SH3RF3: variants seen among roughly 807,000 people sequenced by gnomAD.
The protein encoded by SH3RF3 is E3 ubiquitin-protein ligase SH3RF3.
Under a neutral mutation model 66.3 loss-of-function variants are expected in SH3RF3, and 29 were observed. The observed-to-expected ratio is 0.44, with a 90% CI of 0.33 to 0.60. SH3RF3 has a LOEUF of 0.60. Among genes scored for constraint, SH3RF3 ranks in the 20% least tolerant of loss-of-function variants. The pLI, the probability that SH3RF3 is intolerant of heterozygous loss-of-function variation, is 0.04. For missense variants in SH3RF3, 1,194 were observed against 1,190.9 expected, an observed-to-expected ratio of 1.00 and a Z score of -0.04; for synonymous variants, 583 against 532.0, an observed-to-expected ratio of 1.10 and a Z score of -1.32.
intron 1 of SH3RF3, among the ~76,000 whole-genome samples, chr2:109,320,451 T>C (rs1043845031): frequency 1.3e-5 from 2 of 152,176 alleles, no homozygotes; most frequent in African/African-American, 4.8e-5. Context: ...TCCTCGGCAG[T>C]GAGCCACAAC....
intron 1 of SH3RF3, among the ~76,000 whole-genome samples, chr2:109,230,160 G>T (rs760444158): frequency 6.6e-6 from 1 of 151,826 alleles, no homozygotes; most frequent in African/African-American, 2.4e-5. Context: ...CTAATATTCC[G>T]TCGTATGGAT....
chr2:109,264,797 C>A (rs1680450234), intron 1 of SH3RF3, among the ~76,000 whole-genome samples: 1 of 152,232 alleles, frequency 6.6e-6, no homozygotes, highest in Admixed American at 6.5e-5. Flanking sequence ...CTGGCCATCA[C>A]CTACCGTGCA....
intron 8 of SH3RF3, among the ~76,000 whole-genome samples, chr2:109,463,503 C>G (rs1008868011): frequency 9.2e-5 from 14 of 152,242 alleles, no homozygotes; most frequent in African/African-American, 3.4e-4. Flanking sequence ...TCCCCTCACA[C>G]ATCTGTTTCT....
chr2:109,468,796 G>A (rs1002894031), intron 8 of SH3RF3, among the ~76,000 whole-genome samples: 8 of 148,344 alleles, frequency 5.4e-5, no homozygotes, highest in Admixed American at 3.4e-4. Context: ...GGAGTTTGCA[G>A]TGAGCCAAGA....
chr2:109,214,106 A>G (rs768219653), intron 1 of SH3RF3, among the ~76,000 whole-genome samples: 67 of 152,270 alleles, frequency 4.4e-4, no homozygotes, highest in East Asian at 3.9e-4. Context: ...GTTTCTGCCA[A>G]TTGTCTTGGG....
chr2:109,294,157 T>C (rs957034923), intron 1 of SH3RF3, among the ~76,000 whole-genome samples: 2 of 152,190 alleles, frequency 1.3e-5, no homozygotes, highest in Non-Finnish European at 2.9e-5. Context: ...TGCCCGAAAG[T>C]CTTTCTTCCA....
intron 8 of SH3RF3, among the ~76,000 whole-genome samples, chr2:109,475,569 C>T (rs886896993): frequency 6.6e-6 from 1 of 152,202 alleles, no homozygotes; most frequent in East Asian, 1.9e-4. Flanking sequence ...GAGGCTGACA[C>T]CTGCCCTGTA....
intron 2 of SH3RF3, among the ~76,000 whole-genome samples, chr2:109,351,221 C>T (rs1267713084): frequency 1.3e-5 from 2 of 152,226 alleles, no homozygotes; most frequent in Non-Finnish European, 2.9e-5. Context: ...GGAGCCTCCA[C>T]ACGTGCTGGG....
At chr2:109,156,646 A>G (rs369778270) in intron 1 of SH3RF3, among the ~76,000 whole-genome samples, 1 of 152,066 alleles carries the variant, frequency 6.6e-6, no homozygotes, top group African/African-American at 2.4e-5. Context: ...GGGTTTCACC[A>G]TGTTGGCCAG....
intron 1 of SH3RF3, among the ~76,000 whole-genome samples, chr2:109,330,297 G>A (rs895980784): frequency 6.6e-6 from 1 of 152,032 alleles, no homozygotes; most frequent in African/African-American, 2.4e-5. Flanking sequence ...ATGTTATTGC[G>A]AAACTAAAGA....
Position 109,165,098 on chromosome 2 carries a change from G to A in SH3RF3, c.573+34985G>A, listed in dbSNP as rs1470654061. ...AGAATTCTGTGTTCTTACTCCCAGG[G>A]CTAGTTGTTCCTGGCTTCCCCCCTC... On this transcript the variant is annotated intron_variant, in intron 1 of 9. Transcript: ENST00000309415. 2.6e-5 allele frequency among the ~76,000 whole-genome samples: 4 copies of A among 152,184 alleles called. No homozygotes were observed. In the East Asian group the frequency reaches 7.7e-4, roughly 29 times the overall value.
chr2:109,143,085 G>T (rs1676996913), intron 1 of SH3RF3, among the ~76,000 whole-genome samples: 1 of 152,126 alleles, frequency 6.6e-6, no homozygotes, highest in South Asian at 2.1e-4. Flanking sequence ...AACCCAGTGT[G>T]GGGGGCCTGC....
At chr2:109,164,698 T>C (rs1677574721) in intron 1 of SH3RF3, among the ~76,000 whole-genome samples, 1 of 152,156 alleles carries the variant, frequency 6.6e-6, no homozygotes, top group Admixed American at 6.5e-5. Context: ...GTGTAAATAC[T>C]CCCATCATGA....
At chr2:109,335,741 A>G (rs1211968707) in intron 1 of SH3RF3, among the ~76,000 whole-genome samples, 2 of 152,188 alleles carry the variant, frequency 1.3e-5, no homozygotes, top group East Asian at 3.8e-4. Context: ...CGCACCCCAC[A>G]AGTAACGGGC....
intron 1 of SH3RF3, among the ~76,000 whole-genome samples, chr2:109,172,379 G>A (rs1172907915): frequency 1.3e-5 from 2 of 152,220 alleles, no homozygotes; most frequent in African/African-American, 4.8e-5. Flanking sequence ...GAGCTCAGCC[G>A]TCCTCTCCCT....
chr2:109,348,537 C>T (rs942525486), intron 2 of SH3RF3, among the ~76,000 whole-genome samples: 5 of 152,198 alleles, frequency 3.3e-5, no homozygotes, highest in African/African-American at 1.2e-4. Context: ...GGGTGAGGTG[C>T]AGAAGAGACT....
At chr2:109,259,066 T>C (rs182249251) in intron 1 of SH3RF3, among the ~76,000 whole-genome samples, 58 of 152,340 alleles carry the variant, frequency 3.8e-4, no homozygotes, top group Non-Finnish European at 4.4e-5. Flanking sequence ...AGGGCCCTAG[T>C]TTCCATTTGG....
At chr2:109,338,175 A>G (rs1682472915) in intron 1 of SH3RF3, among the ~76,000 whole-genome samples, 1 of 152,174 alleles carries the variant, frequency 6.6e-6, no homozygotes, top group African/African-American at 2.4e-5. Context: ...TGGTACTTAC[A>G]GTGTGCCAGG....
intron 1 of SH3RF3, among the ~76,000 whole-genome samples, chr2:109,306,213 C>A (rs1489255484): frequency 2.0e-5 from 3 of 152,214 alleles, no homozygotes; most frequent in African/African-American, 7.2e-5. Context: ...AGAAGAGATG[C>A]AGTCTGCCAG....
Sources: gnomAD v4.1 joint callset for allele counts (sites outside exome capture counted in the v4.1 genomes callset) on GRCh38, gnomAD v4.1.1 for gene constraint, MANE v1.5 for transcripts, NCBI Gene and HGNC (gene_info 2026-07-23, HGNC 2026-07-21) for gene names.